The following PAPSS1 variants were observed in gnomAD, a reference collection of about 807,000 sequenced individuals.
PAPSS1 encodes bifunctional 3'-phosphoadenosine 5'-phosphosulfate synthase 1.
PAPSS1 carries 50 observed loss-of-function variants against 72.0 expected under a neutral mutation model. The ratio of observed to expected loss-of-function variants is 0.69; its 90% confidence interval spans 0.55 to 0.88. The LOEUF (loss-of-function observed/expected upper bound fraction) is 0.88, where lower values mean the gene tolerates loss of function less well. PAPSS1 is among the 40% of genes least tolerant of loss of function. The pLI is 0.00. For synonymous variants in PAPSS1, 261 were observed against 263.6 expected, an observed-to-expected ratio of 0.99 and a Z score of 0.09; for missense variants, 657 against 782.2, an observed-to-expected ratio of 0.84 and a Z score of 1.91.
intron 3 of PAPSS1, 49 bp downstream of exon 3, chr4:107,693,722 T>C (rs1255508769): frequency 5.3e-6 from 7 of 1,315,026 alleles, no homozygotes; most frequent in Middle Eastern, 3.7e-4. Flanking sequence ...CCTGATACCA[T>C]ATTCTCAATA....
intron 5 of PAPSS1, 143 bp downstream of exon 5, chr4:107,681,872 A>C (rs1722623618): frequency 1.8e-6 from 1 of 567,144 alleles, no homozygotes; most frequent in East Asian, 3.0e-5. Flanking sequence ...ACTGACATAC[A>C]GACACAGAAC....
intron 1 of PAPSS1, among the ~76,000 whole-genome samples, chr4:107,712,196 G>A (rs1186759088): frequency 2.0e-5 from 3 of 152,044 alleles, no homozygotes; most frequent in African/African-American, 4.8e-5. Flanking sequence ...TGGGAATTCC[G>A]GCCCTAAGAC....
rs781756248 is a variant in PAPSS1, at chr4:107,720,208, T to A, written c.-29A>T. ...CGCGGAGCGCGCTGAGCAGCCGGGG[T>A]TCTCTGCGCCGGGAGGGTAGCAAGA... On this transcript the variant is annotated 5_prime_UTR_variant, in exon 1 of 12. Coordinates refer to ENST00000265174, the MANE Select transcript of PAPSS1 (RefSeq NM_005443.5). 6.3e-7 allele frequency: 1 copy of A among 1,590,904 alleles called. No homozygotes were observed. The highest frequency in any genetic ancestry group is 8.5e-7 in the Non-Finnish European group (1 of 1,170,380).
At chr4:107,691,058 G>A (rs1722908071) in intron 3 of PAPSS1, among the ~76,000 whole-genome samples, 1 of 151,884 alleles carries the variant, frequency 6.6e-6, no homozygotes, top group Non-Finnish European at 1.5e-5. Flanking sequence ...TGACCCAAGG[G>A]TTTCAAGAAA....
intron 11 of PAPSS1, among the ~76,000 whole-genome samples, chr4:107,624,018 C>G (rs28403284): frequency 0.24 from 36,525 of 152,090 alleles, 5,011 homozygotes; most frequent in Middle Eastern, 0.33. Context: ...TACAGTCACA[C>G]CACCATCTTT....
chr4:107,621,608 CTTTTTTTTTT>C (rs10670438), intron 11 of PAPSS1, among the ~76,000 whole-genome samples: 40 of 48,152 alleles, frequency 8.3e-4, no homozygotes, highest in African/African-American at 2.2e-3. Flanking sequence ...GGTTTTTTAT[CTTTTTTTTTT>C]TTTTTTTTTT....
At chr4:107,710,915 T>C (rs534944793) in intron 1 of PAPSS1, among the ~76,000 whole-genome samples, 1 of 152,362 alleles carries the variant, frequency 6.6e-6, no homozygotes, top group East Asian at 1.9e-4. Flanking sequence ...AACCTTCTCA[T>C]GTTATGGCTA....
At chr4:107,699,184 T>C (rs1578430982) in intron 2 of PAPSS1, among the ~76,000 whole-genome samples, 1 of 151,928 alleles carries the variant, frequency 6.6e-6, no homozygotes, top group East Asian at 1.9e-4. Flanking sequence ...TAATCTTAGA[T>C]ACAATGCAAT....
intron 9 of PAPSS1, among the ~76,000 whole-genome samples, chr4:107,652,963 T>C (rs1000470088): frequency 6.6e-6 from 1 of 152,032 alleles, no homozygotes; most frequent in African/African-American, 2.4e-5. Context: ...CATGTATCAT[T>C]ATTTGCTGTG....
chr4:107,718,433 C>T (rs899554575), intron 1 of PAPSS1: 1 of 152,236 alleles, frequency 6.6e-6, no homozygotes, highest in African/African-American at 2.4e-5. Context: ...ATTCCCAACA[C>T]TTATCCATGC....
intron 10 of PAPSS1, among the ~76,000 whole-genome samples, chr4:107,632,718 C>T (rs564339036): frequency 8.0e-4 from 121 of 152,148 alleles, no homozygotes; most frequent in African/African-American, 2.8e-3. Flanking sequence ...AAGTGAAGCC[C>T]CCGAAAGGTT....
chr4:107,702,777 T>C (rs555467378), intron 1 of PAPSS1, among the ~76,000 whole-genome samples: 1 of 152,330 alleles, frequency 6.6e-6, no homozygotes, highest in South Asian at 2.1e-4. Flanking sequence ...TGATTCCATA[T>C]CTTGACTATG....
intron 5 of PAPSS1, among the ~76,000 whole-genome samples, chr4:107,673,255 A>G (rs1305379775): frequency 6.6e-6 from 1 of 152,190 alleles, no homozygotes; most frequent in East Asian, 1.9e-4. Flanking sequence ...AGATGATCAA[A>G]CTACTCTGAC....
At chr4:107,644,032 C>A (rs1033112237) in intron 10 of PAPSS1, among the ~76,000 whole-genome samples, 1 of 152,096 alleles carries the variant, frequency 6.6e-6, no homozygotes, top group Non-Finnish European at 1.5e-5. Context: ...GATGGCAAAC[C>A]AGCTGGTGGC....
intron 10 of PAPSS1, among the ~76,000 whole-genome samples, chr4:107,634,797 ATTTTTTTTTT>A (rs3083966): frequency 8.6e-6 from 1 of 116,010 alleles, no homozygotes; most frequent in Non-Finnish European, 1.7e-5. Flanking sequence ...TATTCTAGAC[ATTTTTTTTTT>A]TTTTTTTTTT....
chr4:107,672,613 C>T (rs1338002121), intron 5 of PAPSS1, among the ~76,000 whole-genome samples: 1 of 152,192 alleles, frequency 6.6e-6, no homozygotes, highest in Non-Finnish European at 1.5e-5. Flanking sequence ...AGGAGGCCTG[C>T]CTGCCTCTGT....
intron 1 of PAPSS1, among the ~76,000 whole-genome samples, chr4:107,710,522 GAAGGGAGT>G (rs1316360395): frequency 2.2e-4 from 11 of 49,100 alleles, no homozygotes; most frequent in African/African-American, 3.5e-4. Context: ...GCTGGGGTCC[GAAGGGAGT>G]AAGTGGATGA....
intron 1 of PAPSS1, chr4:107,718,203 T>C (rs1723685522): frequency 6.6e-6 from 1 of 152,144 alleles, no homozygotes. Flanking sequence ...TGACGGGTGT[T>C]CCATGAGGGA....
intron 5 of PAPSS1, among the ~76,000 whole-genome samples, chr4:107,667,384 T>A (rs1411445114): frequency 6.6e-6 from 1 of 152,154 alleles, no homozygotes; most frequent in African/African-American, 2.4e-5. Context: ...TAGCCAATGA[T>A]CAAACCTGGT....
Sources: gnomAD v4.1 joint callset for allele counts (sites outside exome capture counted in the v4.1 genomes callset) on GRCh38, gnomAD v4.1.1 for gene constraint, MANE v1.5 for transcripts, NCBI Gene and HGNC (gene_info 2026-07-23, HGNC 2026-07-21) for gene names.